Variants in IL17RD observed in about 807,000 individuals in gnomAD.
IL17RD encodes interleukin 17 receptor D, also known as interleukin-17 receptor D.
A neutral mutation model predicts 80.5 loss-of-function variants in IL17RD; 52 were observed. The observed-to-expected ratio is 0.65, with a 90% CI of 0.52 to 0.81. The LOEUF (loss-of-function observed/expected upper bound fraction) is 0.81, where lower values mean the gene tolerates loss of function less well. Ranked by LOEUF, IL17RD falls within the 40% of genes least tolerant of loss-of-function variation. The pLI is 0.00. For missense variants in IL17RD, 1,024 were observed against 955.1 expected (o/e 1.07, Z -0.95); for synonymous variants, 416 against 391.8 (o/e 1.06, Z -0.73).
At chr3:57,131,054 C>T (rs1707598020) in intron 1 of IL17RD, among the ~76,000 whole-genome samples, 1 of 152,324 alleles carries the variant, frequency 6.6e-6, no homozygotes. Context: ...GGGCAATCAC[C>T]GGCTGACCGG....
chr3:57,102,676 C>T (rs1212694071), intron 9 of IL17RD, 87 bp from the exon 10 acceptor site: 8 of 585,450 alleles, frequency 1.4e-5, no homozygotes, highest in African/African-American at 1.1e-4. Context: ...AAACATAAGC[C>T]GCATAACAGG....
intron 5 of IL17RD, 58 bp downstream of exon 5, chr3:57,109,479 T>A: frequency 6.3e-7 from 1 of 1,579,332 alleles, no homozygotes; most frequent in Non-Finnish European, 8.6e-7. Flanking sequence ...TGTAGAAAAA[T>A]CATTAAAAGC....
Position 57,104,428 on chromosome 3 carries a change from C to CT in IL17RD, c.748-22dup, listed in dbSNP as rs1559468031. ...TGCTCCTGCAACAGACCAAAGAACA[C>CT]TTTAAAAACTCACTTCTTGGGCAAA... On this transcript the variant is annotated intron_variant, in intron 7 of 12. Coordinates refer to ENST00000296318, the MANE Select transcript of IL17RD (RefSeq NM_017563.5). 1.9e-6 allele frequency: 3 copies of CT among 1,560,088 alleles called. No individual in the cohort carries two copies. The South Asian group carries it at 3.4e-5, about 18-fold the overall frequency.
At position 57,091,492 on chromosome 3, in the gene IL17RD, T is replaced by C. The variant is rs915273454; in HGVS notation, c.*4901A>G. On this transcript the variant is annotated 3_prime_UTR_variant, in exon 13 of 13. Transcript: ENST00000296318. ...GAGCCTCGTCTTCACAAGGCACCAA[T>C]GTGAGTAAGGCACCAACATTGTTTG... 1.3e-5 allele frequency: 2 copies of C among 152,614 alleles called. No homozygotes were observed. Among genetic ancestry groups the C allele is most frequent in the African/African-American group, 2.4e-5 (1 of 41,438 alleles). 9.5% of individuals were successfully genotyped at this position (152,614 alleles called of 1,614,324 possible).
At chr3:57,124,709 T>C (rs1001295542) in intron 1 of IL17RD, among the ~76,000 whole-genome samples, 3 of 152,238 alleles carry the variant, frequency 2.0e-5, no homozygotes, top group African/African-American at 4.8e-5. Flanking sequence ...ACGTAAGTCA[T>C]TTTAAGCCAC....
At chr3:57,124,701 G>A (rs902104487) in intron 1 of IL17RD, among the ~76,000 whole-genome samples, 3 of 152,158 alleles carry the variant, frequency 2.0e-5, no homozygotes, top group African/African-American at 7.2e-5. Context: ...GACAATAAAC[G>A]TAAGTCATTT....
At chr3:57,143,146 T>G (rs1396705639) in intron 1 of IL17RD, among the ~76,000 whole-genome samples, 2 of 152,244 alleles carry the variant, frequency 1.3e-5, no homozygotes, top group Non-Finnish European at 2.9e-5. Context: ...AGAGAGCAGC[T>G]GCTGGTACGG....
intron 1 of IL17RD, among the ~76,000 whole-genome samples, chr3:57,141,919 G>A (rs1235443747): frequency 2.6e-5 from 4 of 152,128 alleles, no homozygotes; most frequent in Non-Finnish European, 5.9e-5. Flanking sequence ...GATTGTATCT[G>A]CACGGTTTTC....
At chr3:57,106,767 C>CTG (rs1431104132) in intron 5 of IL17RD, among the ~76,000 whole-genome samples, 1 of 152,188 alleles carries the variant, frequency 6.6e-6, no homozygotes, top group Admixed American at 6.5e-5. Flanking sequence ...AGCTAGTCCA[C>CTG]TGTGCCATGC....
chr3:57,148,706 AG>A (rs1355241763), intron 1 of IL17RD, among the ~76,000 whole-genome samples: 1 of 152,206 alleles, frequency 6.6e-6, no homozygotes, highest in Non-Finnish European at 1.5e-5. Flanking sequence ...AGCATAAAGC[AG>A]GAAGTTTATG....
intron 3 of IL17RD, among the ~76,000 whole-genome samples, chr3:57,112,751 G>C (rs1165418218): frequency 2.6e-5 from 4 of 152,244 alleles, no homozygotes; most frequent in Admixed American, 2.6e-4. Flanking sequence ...CCATGGGTCT[G>C]CTTTATCCTC....
chr3:57,114,805 T>C lies in IL17RD; in HGVS notation c.197A>G (p.Tyr66Cys), dbSNP rs747272245. The C allele has an allele frequency of 1.5e-5, 24 of 1,603,098 alleles. No individual in the cohort carries two copies. Among genetic ancestry groups the C allele is most frequent in the Non-Finnish European group, 9.4e-6 (11 of 1,175,874 alleles). Residue 66 changes from tyrosine (Y) to cysteine (C), a missense_variant, in exon 3 of 13, where the codon TAC becomes TGC. Transcript: ENST00000296318. Reference protein sequence around the residue: ...ITFKYDNCTTYLNPVGKHVIA... With the variant: ...ITFKYDNCTTCLNPVGKHVIA... ...CACATGCTTCCCCACTGGATTCAAG[T>C]AGGTGGTACAATCTAGAGAGTAGGG... is the stretch of plus-strand genomic sequence containing the variant.
At chr3:57,145,262 C>A (rs1707903591) in intron 1 of IL17RD, among the ~76,000 whole-genome samples, 1 of 152,044 alleles carries the variant, frequency 6.6e-6, no homozygotes, top group African/African-American at 2.4e-5. Flanking sequence ...AAGCTCCTGG[C>A]CCAGAAGACT....
chr3:57,168,044 C>T (rs1053402865), upstream of IL17RD, among the ~76,000 whole-genome samples: 1 of 152,126 alleles, frequency 6.6e-6, no homozygotes, highest in African/African-American at 2.4e-5. Context: ...GTTGGTCAGG[C>T]TGGTCTCGAA....
At chr3:57,122,740 C>CT (rs754491969) in intron 1 of IL17RD, among the ~76,000 whole-genome samples, 7,816 of 116,922 alleles carry the variant, frequency 0.067, 870 homozygotes, top group African/African-American at 0.23. Flanking sequence ...CCTCAACTGT[C>CT]TTTTTTTTTT....
intron 1 of IL17RD, among the ~76,000 whole-genome samples, chr3:57,130,767 G>C (rs570657274): frequency 6.6e-6 from 1 of 152,274 alleles, no homozygotes; most frequent in Admixed American, 6.5e-5. Flanking sequence ...ACATCCCCCT[G>C]AGATGCAGTC....
intron 1 of IL17RD, among the ~76,000 whole-genome samples, chr3:57,162,209 G>C (rs28473067): frequency 0.08 from 12,206 of 152,258 alleles, 873 homozygotes; most frequent in African/African-American, 0.19. Context: ...AACAAATGTT[G>C]CCTGGAGATC....
Position 57,127,315 on chromosome 3 carries a change from A to AAATATATAT in IL17RD, c.127-7003_127-7002insATATATATT, listed in dbSNP as rs1707500362. Reference sequence around the variant, plus strand: ...ATATAAATATATATAAAAATATATAAAAATATATATAAATATATATAAAAA... The same window carrying AAATATATAT: ...ATATAAATATATATAAAAATATATAAAATATATATAAATATATATAAATATATATAAAAA... On this transcript the variant is annotated intron_variant, in intron 1 of 12. Transcript: ENST00000296318. Among the ~76,000 whole-genome samples, 17 of 81,256 alleles carry AAATATATAT rather than the reference A, an allele frequency of 2.1e-4. 2 individuals carry two copies. The highest frequency in any genetic ancestry group is 7.2e-4 in the African/African-American group (10 of 13,842). 53.3% of individuals were successfully genotyped at this position (81,256 alleles called of 152,430 possible).
At position 57,124,548 on chromosome 3, in the gene IL17RD, G is replaced by A. The variant is rs1383673991; in HGVS notation, c.127-4235C>T. Among the ~76,000 whole-genome samples the A allele has an allele frequency of 2.0e-5, 3 of 152,130 alleles. No homozygotes were observed. In the East Asian group the frequency reaches 5.8e-4, roughly 29 times the overall value. ...AGGAAGGAGGAGCTAAGGAGCCACA[G>A]AAAGCAGGCGGCCTCTGGAGACTGA... is the stretch of plus-strand genomic sequence containing the variant. On this transcript the variant is annotated intron_variant, in intron 1 of 12. Coordinates refer to ENST00000296318, the MANE Select transcript of IL17RD (RefSeq NM_017563.5).
Sources: gnomAD v4.1 joint callset for allele counts (sites outside exome capture counted in the v4.1 genomes callset) on GRCh38, gnomAD v4.1.1 for gene constraint, MANE v1.5 for transcripts, NCBI Gene and HGNC (gene_info 2026-07-23, HGNC 2026-07-21) for gene names.